Variants in RANBP2 observed in about 807,000 individuals in gnomAD.
The protein encoded by RANBP2 is RAN binding protein 2, also known as E3 SUMO-protein ligase RanBP2.
RANBP2 carries 57 observed loss-of-function variants against 303.6 expected under a neutral mutation model. The observed-to-expected ratio is 0.19, with a 90% CI of 0.15 to 0.23. The LOEUF (loss-of-function observed/expected upper bound fraction) is 0.23. Ranked by LOEUF, RANBP2 falls within the 10% of genes least tolerant of loss-of-function variation. The pLI, the probability that RANBP2 is intolerant of heterozygous loss-of-function variation, is 1.00. For synonymous variants in RANBP2, 1,167 were observed against 1,301.5 expected (o/e 0.90, Z 2.23); for missense variants, 3,138 against 3,780.8 (o/e 0.83, Z 4.46).
Position 108,766,813 on chromosome 2 carries a change from A to G in RANBP2, c.6274A>G (p.Thr2092Ala). The G allele has an allele frequency of 1.2e-6, 2 of 1,611,996 alleles. No individual in the cohort carries two copies. The highest frequency in any genetic ancestry group is 2.2e-5 in the East Asian group (1 of 44,872). ...GTGTGCTAATCATTGGATAACGACT[A>G]CGATGAACCTGAAGCCTCTCTCTGG... ...KVCANHWITTTMNLKPLSGSD... is the reference protein window; with the variant it reads ...KVCANHWITTAMNLKPLSGSD... The change falls in exon 20 of 29, where the codon ACG becomes GCG. Residue 2092 changes from threonine (T) to alanine (A), a missense_variant. By Grantham distance (58) the Thr-to-Ala change is moderately conservative. Around this residue, in one of 20 missense-constraint regions of RANBP2, gnomAD observed 103 missense variants for 214.3 expected, o/e 0.48. Coordinates refer to ENST00000283195, the MANE Select transcript of RANBP2 (RefSeq NM_006267.5).
At chr2:108,997,192 A>G in the RANBP2 span, among the ~76,000 whole-genome samples, 1 of 152,208 alleles carries the variant, frequency 6.6e-6, no homozygotes, top group Non-Finnish European at 1.5e-5. Context: ...CTGTAATCCC[A>G]GCACTTTGGG....
At chr2:108,964,410 G>A in the RANBP2 span, among the ~76,000 whole-genome samples, 5 of 152,114 alleles carry the variant, frequency 3.3e-5, no homozygotes, top group African/African-American at 1.2e-4. Flanking sequence ...GACGAAAAGG[G>A]ATCAGGTCAT....
chr2:108,990,647 G>A, the RANBP2 span, among the ~76,000 whole-genome samples: 265 of 152,134 alleles, frequency 1.7e-3, 1 homozygote, highest in African/African-American at 5.9e-3. Context: ...TATGGGGCTG[G>A]GGCAAGGACC....
At chr2:108,915,998 C>A in the RANBP2 span, among the ~76,000 whole-genome samples, 1 of 152,170 alleles carries the variant, frequency 6.6e-6, no homozygotes, top group Non-Finnish European at 1.5e-5. Context: ...ACAGAGCGTT[C>A]CCCCTCACAG....
At chr2:109,545,604 C>T in the RANBP2 span, 2 of 1,531,958 alleles carry the variant, frequency 1.3e-6, no homozygotes, top group Non-Finnish European at 1.7e-6. Context: ...AAAAACTGAA[C>T]CTAAGAATTA....
chr2:109,204,339 T>G, the RANBP2 span, among the ~76,000 whole-genome samples: 1 of 152,374 alleles, frequency 6.6e-6, no homozygotes, highest in South Asian at 2.1e-4. Flanking sequence ...TTATCTCACC[T>G]AAGAGAGTTA....
At chr2:109,132,349 T>G in the RANBP2 span, among the ~76,000 whole-genome samples, 1 of 152,192 alleles carries the variant, frequency 6.6e-6, no homozygotes, top group Admixed American at 6.5e-5. Flanking sequence ...TAAAAAAAAG[T>G]TTTAATTTCT....
the RANBP2 span, chr2:109,251,423 TGAGCAAA>T: frequency 1.4e-6 from 1 of 706,860 alleles, no homozygotes; most frequent in South Asian, 1.4e-5. Flanking sequence ...GTAGACACCA[TGAGCAAA>T]GCTCACCCTC....
the RANBP2 span, among the ~76,000 whole-genome samples, chr2:108,852,900 TAAA>T: frequency 6.6e-6 from 1 of 151,868 alleles, no homozygotes. Flanking sequence ...TAAAATAAAA[TAAA>T]AAAACCCAAC....
the RANBP2 span, among the ~76,000 whole-genome samples, chr2:109,659,916 C>G: frequency 6.6e-6 from 1 of 152,146 alleles, no homozygotes; most frequent in African/African-American, 2.4e-5. Flanking sequence ...AAGCAAATGC[C>G]CAGATAGCAA....
the RANBP2 span, among the ~76,000 whole-genome samples, chr2:109,251,015 T>A: frequency 9.2e-5 from 14 of 152,272 alleles, no homozygotes; most frequent in Admixed American, 3.3e-4. Flanking sequence ...TTATTTATTT[T>A]TTTTGAGATT....
the RANBP2 span, among the ~76,000 whole-genome samples, chr2:109,750,733 T>C: frequency 9.2e-6 from 1 of 108,186 alleles, no homozygotes; most frequent in African/African-American, 3.4e-5. Flanking sequence ...ATAATAATTT[T>C]TTTTTTTCGA....
chr2:109,602,249 A>C, the RANBP2 span, among the ~76,000 whole-genome samples: 1 of 152,270 alleles, frequency 6.6e-6, no homozygotes, highest in Non-Finnish European at 1.5e-5. Flanking sequence ...TGTGATGTGA[A>C]GAATGAAAAC....
chr2:109,047,531 G>A, the RANBP2 span, among the ~76,000 whole-genome samples: 1 of 151,984 alleles, frequency 6.6e-6, no homozygotes, highest in Non-Finnish European at 1.5e-5. Flanking sequence ...AAAGTGGACC[G>A]GGCACGTTGG....
At chr2:109,266,672 C>A in the RANBP2 span, among the ~76,000 whole-genome samples, 1 of 151,936 alleles carries the variant, frequency 6.6e-6, no homozygotes, top group Non-Finnish European at 1.5e-5. Flanking sequence ...GCTCAGGAGC[C>A]AGTGCTCAGC....
chr2:109,488,985 T>C, the RANBP2 span, among the ~76,000 whole-genome samples: 1 of 152,230 alleles, frequency 6.6e-6, no homozygotes, highest in South Asian at 2.1e-4. Context: ...GAACTCCCCA[T>C]GGACTGTCAG....
chr2:109,716,840 C>T, the RANBP2 span, among the ~76,000 whole-genome samples: 5 of 152,326 alleles, frequency 3.3e-5, no homozygotes, highest in Admixed American at 1.3e-4. Context: ...TGAGCCACCG[C>T]GCCCAGCCTA....
the RANBP2 span, among the ~76,000 whole-genome samples, chr2:109,031,208 G>C: frequency 6.6e-6 from 1 of 152,136 alleles, no homozygotes; most frequent in African/African-American, 2.4e-5. Flanking sequence ...CCGTGCTGGA[G>C]GCTGGAAGTC....
the RANBP2 span, among the ~76,000 whole-genome samples, chr2:108,797,347 AAGAGACGGCAGTATAAAAT>A: frequency 6.6e-6 from 1 of 152,210 alleles, no homozygotes; most frequent in African/African-American, 2.4e-5. Flanking sequence ...AGTTGGAGGA[AAGAGACGGCAGTATAAAAT>A]GCTATTGAGA....
Sources: allele counts gnomAD v4.1 joint callset (sites outside exome capture counted in the v4.1 genomes callset), GRCh38; gene constraint gnomAD v4.1.1; regional missense constraint gnomAD v4.1.1; transcripts MANE v1.5; gene names NCBI Gene and HGNC (gene_info 2026-07-23, HGNC 2026-07-21).